Variants in SLC13A2 observed in about 807,000 individuals in gnomAD.
SLC13A2 encodes Na(+)-coupled citrate transporter.
A neutral mutation model predicts 58.5 loss-of-function variants in SLC13A2; 40 were observed. That is an observed-to-expected ratio of 0.68 (90% CI 0.53 to 0.89). SLC13A2 has a LOEUF of 0.89. SLC13A2 is among the 40% of genes least tolerant of loss of function. SLC13A2 has a pLI of 0.00. For missense variants in SLC13A2, 694 were observed against 772.6 expected (o/e 0.90, Z 1.21); for synonymous variants, 341 against 331.6 (o/e 1.03, Z -0.31).
intron 1 of SLC13A2, among the ~76,000 whole-genome samples, chr17:28,477,828 T>C (rs62065357): frequency 0.38 from 57,143 of 151,690 alleles, 12,979 homozygotes; most frequent in Non-Finnish European, 0.53. Flanking sequence ...GCGCCCAAGG[T>C]GGGCAGATCA....
rs939856979 is a variant in SLC13A2 at position 28,494,819 on chromosome 17, A to G, written c.1308+307A>G. On this transcript the variant is annotated intron_variant, in intron 9 of 11. Transcript: ENST00000314669. The surrounding 1 kb of genome is among the most constrained non-coding windows in gnomAD (Gnocchi z 4.0). ...ACCCCAGCCCTTTGCCCGCTGCCAG[A>G]GCACACAGTAGCATCAGCACCAAAG... Among the ~76,000 whole-genome samples the G allele has an allele frequency of 2.6e-5, 4 of 152,148 alleles. No individual in the cohort carries two copies. The highest frequency in any genetic ancestry group is 9.7e-5 in the African/African-American group (4 of 41,418).
intron 2 of SLC13A2, among the ~76,000 whole-genome samples, 191 bp downstream of exon 2, chr17:28,489,533 C>T (rs1666360866): frequency 6.6e-6 from 1 of 152,132 alleles, no homozygotes; most frequent in Non-Finnish European, 1.5e-5. Context: ...AGAATTAGTG[C>T]TGCGAGTTCA....
At chr17:28,495,890 C>A in intron 10 of SLC13A2, 74 bp downstream of exon 10, 1 of 1,517,614 alleles carries the variant, frequency 6.6e-7, no homozygotes, top group Non-Finnish European at 9.0e-7. Context: ...GCCTGCTGGG[C>A]AGAGTATCCT....
Position 28,490,906 on chromosome 17 carries a change from G to A in SLC13A2, c.574G>A (p.Asp192Asn). 1 of 1,612,108 alleles carries A rather than the reference G, an allele frequency of 6.2e-7. No homozygotes were observed. Among genetic ancestry groups the A allele is most frequent in the Non-Finnish European group, 8.5e-7 (1 of 1,179,108 alleles). Residue 192 changes from aspartate (D) to asparagine (N), a missense_variant and splice_region_variant, in exon 4 of 12, where the codon GAT becomes AAT. Asp to Asn is a conservative substitution (Grantham distance 23). Transcript: ENST00000314669. ...TCCCCAGAAGGAGGTGACCAAGCTT[G>A]GTGAGAAAAATGAGGCTAGACTCTG... ...PSPQKEVTKL[D>N]NGQALPVTSA...
chr17:28,486,098 A>G (rs1261495522), intron 1 of SLC13A2, among the ~76,000 whole-genome samples: 4 of 152,254 alleles, frequency 2.6e-5, no homozygotes, highest in Non-Finnish European at 4.4e-5. Context: ...GTATCAAAAT[A>G]TGGAAAAATA....
At chr17:28,474,028 A>G (rs1484276353) in intron 1 of SLC13A2, among the ~76,000 whole-genome samples, 1 of 152,120 alleles carries the variant, frequency 6.6e-6, no homozygotes, top group Non-Finnish European at 1.5e-5. Context: ...AGCGTGAATT[A>G]CTTAGGTGGG....
chr17:28,492,526 G>A (rs1457642246), intron 6 of SLC13A2, among the ~76,000 whole-genome samples: 3 of 152,232 alleles, frequency 2.0e-5, no homozygotes, highest in Non-Finnish European at 4.4e-5. Context: ...AGACGTGTTC[G>A]AGGGAACTCT....
intron 1 of SLC13A2, among the ~76,000 whole-genome samples, chr17:28,478,247 G>A (rs569273547): frequency 2.7e-4 from 41 of 152,184 alleles, no homozygotes; most frequent in East Asian, 3.9e-4. Context: ...TGGTGCCCCC[G>A]CTGTGACCCA....
intron 7 of SLC13A2, 52 bp downstream of exon 7, chr17:28,493,841 G>A: frequency 6.3e-7 from 1 of 1,592,080 alleles, no homozygotes; most frequent in South Asian, 1.1e-5. Flanking sequence ...CACATGCTCG[G>A]GAAGGAGGGA....
intron 1 of SLC13A2, among the ~76,000 whole-genome samples, chr17:28,482,774 C>T (rs1204953396): frequency 3.9e-5 from 6 of 152,188 alleles, no homozygotes; most frequent in Non-Finnish European, 8.8e-5. Flanking sequence ...CCTTTGCCCA[C>T]TAACTGAACT....
In SLC13A2 at chr17:28,496,309, G is replaced by C; in HGVS notation, c.1471-141G>C. 1.8e-6 allele frequency: 2 copies of C among 1,138,802 alleles called. No individual in the cohort carries two copies. The highest frequency in any genetic ancestry group is 5.2e-5 in the Admixed American group (2 of 38,134). 70.5% of individuals were successfully genotyped at this position (1,138,802 alleles called of 1,614,324 possible). On this transcript the variant is annotated intron_variant, in intron 10 of 11. Transcript: ENST00000314669. The surrounding 1 kb of genome is among the most constrained non-coding windows in gnomAD (Gnocchi z 4.2). Reference sequence around the variant, plus strand: ...CCTTCCAGGTCACCCAGTGCCTTCTGGGAGAAGAGGTGGGCTCATGACCAG... The same window carrying C: ...CCTTCCAGGTCACCCAGTGCCTTCTCGGAGAAGAGGTGGGCTCATGACCAG...
intron 1 of SLC13A2, among the ~76,000 whole-genome samples, chr17:28,477,189 T>G (rs1223429580): frequency 1.7e-5 from 2 of 115,500 alleles, no homozygotes; most frequent in Non-Finnish European, 3.8e-5. Context: ...CACCCAAGTT[T>G]TTTGTTTTTT....
chr17:28,494,405 C>G lies in SLC13A2; in HGVS notation c.1201C>G (p.Leu401Val). The change falls in exon 9 of 12, where the codon CTG becomes GTG. Residue 401 changes from leucine to valine, a missense_variant. Transcript: ENST00000314669. This position sits in a 1 kb window ranked among gnomAD's most constrained non-coding sequence, Gnocchi z 4.0. ...LTQDPENPGK[L>V]KAPLGLLDWK... is the part of the protein sequence containing the mutation. ...TTGGGAAGTAGAAAACCCAGGGAAG[C>G]TGAAGGCCCCTCTTGGCCTCCTCGA... 6.2e-7 allele frequency: 1 copy of G among 1,614,200 alleles called. No individual in the cohort carries two copies. Among genetic ancestry groups the G allele is most frequent in the Non-Finnish European group, 8.5e-7 (1 of 1,180,026 alleles).
Position 28,494,349 on chromosome 17 carries a change from G to A in SLC13A2, c.1187-42G>A, listed in dbSNP as rs1555604205. On this transcript the variant is annotated intron_variant, in intron 8 of 11. Coordinates refer to ENST00000314669, the MANE Select transcript of SLC13A2 (RefSeq NM_003984.4). This position sits in a 1 kb window ranked among gnomAD's most constrained non-coding sequence, Gnocchi z 4.0. The stretch of plus-strand genomic sequence containing the variant: ...CCGCAAATGGAGAGGGGAAAGGCCT[G>A]TTTGTTCTTTGGTGACCCATCCTTC... 3.7e-6 allele frequency: 6 copies of A among 1,614,028 alleles called. No individual in the cohort carries two copies. The highest frequency in any genetic ancestry group is 1.1e-5 in the South Asian group (1 of 91,048).
At chr17:28,481,783 T>G (rs1349292105) in intron 1 of SLC13A2, among the ~76,000 whole-genome samples, 1 of 152,256 alleles carries the variant, frequency 6.6e-6, no homozygotes, top group East Asian at 1.9e-4. Flanking sequence ...ATTTGGCATC[T>G]GCCTATTCTT....
chr17:28,484,351 G>A (rs1051463113), intron 1 of SLC13A2, among the ~76,000 whole-genome samples: 11 of 152,158 alleles, frequency 7.2e-5, no homozygotes, highest in Admixed American at 1.3e-4. Flanking sequence ...TATCAACTAC[G>A]CAAAGTAGGG....
At chr17:28,483,976 A>G (rs1441250827) in intron 1 of SLC13A2, among the ~76,000 whole-genome samples, 1 of 152,168 alleles carries the variant, frequency 6.6e-6, no homozygotes, top group Non-Finnish European at 1.5e-5. Flanking sequence ...TCTGCCCTTC[A>G]GGCCAGCCCA....
intron 1 of SLC13A2, among the ~76,000 whole-genome samples, chr17:28,478,719 C>A (rs964686283): frequency 2.6e-5 from 4 of 152,198 alleles, no homozygotes; most frequent in Admixed American, 2.6e-4. Context: ...GGTCTTCCTG[C>A]TCTCCCAACC....
rs782145509 is a variant in SLC13A2, at chr17:28,496,595, G to C, written c.1608+8G>C. 5.0e-6 allele frequency: 8 copies of C among 1,608,986 alleles called. No homozygotes were observed. The highest frequency in any genetic ancestry group is 6.8e-6 in the Non-Finnish European group (8 of 1,176,926). ...CTCAAAGTGTTGGATATGGTAAGTG[G>C]CAGGGAGGCCTGAATGCCTCATCCC... On this transcript the variant is annotated splice_region_variant and intron_variant, in intron 11 of 11. Transcript: ENST00000314669. The surrounding 1 kb of genome is among the most constrained non-coding windows in gnomAD (Gnocchi z 4.2).
Sources: allele counts gnomAD v4.1 joint callset (sites outside exome capture counted in the v4.1 genomes callset), GRCh38; gene constraint gnomAD v4.1.1; non-coding constraint Gnocchi (gnomAD v3.1); transcripts MANE v1.5; gene names NCBI Gene and HGNC (gene_info 2026-07-23, HGNC 2026-07-21).